Variants in CHCHD6 observed in about 807,000 individuals in gnomAD.
CHCHD6 encodes the protein coiled-coil-helix-coiled-coil-helix domain containing 6.
Under a neutral mutation model 32.3 loss-of-function variants are expected in CHCHD6, and 28 were observed. The observed-to-expected ratio is 0.87, with a 90% CI of 0.64 to 1.19. CHCHD6 has a LOEUF of 1.19. CHCHD6 is among the 50% of genes most tolerant of loss of function. The probability of loss-of-function intolerance (pLI) is 0.00; values close to 1 mark genes in which losing one functional copy is unlikely to be tolerated. For missense variants in CHCHD6, 333 were observed against 307.0 expected, an observed-to-expected ratio of 1.08 and a Z score of -0.63; for synonymous variants, 122 against 117.5, an observed-to-expected ratio of 1.04 and a Z score of -0.25.
chr3:126,786,199 T>C (rs1319270957), intron 4 of CHCHD6, among the ~76,000 whole-genome samples: 2 of 152,246 alleles, frequency 1.3e-5, no homozygotes, highest in Non-Finnish European at 2.9e-5. Flanking sequence ...GGTGTATATG[T>C]GCCACATTTT....
At chr3:126,824,325 GCTGAGGTGTGCGGATCAC>G (rs1421715791) in intron 4 of CHCHD6, among the ~76,000 whole-genome samples, 1 of 151,712 alleles carries the variant, frequency 6.6e-6, no homozygotes, top group Non-Finnish European at 1.5e-5. Flanking sequence ...ACTTTGGGAG[GCTGAGGTGTGCGGATCAC>G]CTGAAGTCGG....
In CHCHD6 at chr3:126,774,556, G is replaced by T. The variant is rs143659863; in HGVS notation, c.411+41334G>T. 4.0e-3 allele frequency among the ~76,000 whole-genome samples: 602 copies of T among 152,280 alleles called. 8 individuals carry two copies. Among genetic ancestry groups the T allele is most frequent in the African/African-American group, 0.014 (583 of 41,548 alleles). On this transcript the variant is annotated intron_variant, in intron 4 of 7. Transcript: ENST00000290913. ...TAGGCCTTTCTCTGATACCACCCTG[G>T]CTGGGATGGGGAAGGGCACCTGCTT... is the stretch of plus-strand genomic sequence containing the variant.
intron 4 of CHCHD6, among the ~76,000 whole-genome samples, chr3:126,754,848 T>G (rs1936885720): frequency 6.6e-6 from 1 of 152,170 alleles, no homozygotes; most frequent in South Asian, 2.1e-4. Context: ...GCTTTGGCCT[T>G]TGGGAGGCTG....
intron 4 of CHCHD6, among the ~76,000 whole-genome samples, chr3:126,852,124 A>T (rs938337177): frequency 6.6e-6 from 1 of 152,192 alleles, no homozygotes; most frequent in South Asian, 2.1e-4. Context: ...AGCTCAGAGC[A>T]TGAGGCTGTG....
chr3:126,788,757 CT>C (rs998693548), intron 4 of CHCHD6, among the ~76,000 whole-genome samples: 117 of 152,198 alleles, frequency 7.7e-4, no homozygotes, highest in African/African-American at 2.7e-3. Context: ...TTTTGTTGAT[CT>C]TTTCAAACAA....
At chr3:126,886,866 C>G (rs115619747) in intron 5 of CHCHD6, among the ~76,000 whole-genome samples, 4,636 of 152,270 alleles carry the variant, frequency 0.03, 99 homozygotes, top group Non-Finnish European at 0.039. Flanking sequence ...TCTGTGGACT[C>G]TAGCAACACA....
intron 4 of CHCHD6, among the ~76,000 whole-genome samples, chr3:126,843,311 T>A (rs9818071): frequency 0.12 from 18,702 of 152,188 alleles, 1,308 homozygotes; most frequent in South Asian, 0.28. Context: ...TTGCCAGTTT[T>A]TCTATTAAGG....
chr3:126,892,881 C>G (rs2077783918), intron 5 of CHCHD6, among the ~76,000 whole-genome samples: 1 of 152,224 alleles, frequency 6.6e-6, no homozygotes, highest in Non-Finnish European at 1.5e-5. Flanking sequence ...TTGCTTTTCT[C>G]AAATAGTTCT....
At chr3:126,831,106 C>T (rs1362960815) in intron 4 of CHCHD6, among the ~76,000 whole-genome samples, 3 of 152,028 alleles carry the variant, frequency 2.0e-5, no homozygotes, top group African/African-American at 7.2e-5. Context: ...TCACTGCAAG[C>T]TCCACCTCCC....
intron 4 of CHCHD6, among the ~76,000 whole-genome samples, chr3:126,774,537 T>C (rs1190863674): frequency 6.6e-6 from 1 of 152,186 alleles, no homozygotes; most frequent in Non-Finnish European, 1.5e-5. Flanking sequence ...CCACTAGGCC[T>C]TTCTCTGATA....
chr3:126,883,807 G>C (rs149087727), intron 5 of CHCHD6, among the ~76,000 whole-genome samples: 2 of 152,214 alleles, frequency 1.3e-5, no homozygotes, highest in Non-Finnish European at 2.9e-5. Context: ...ACTCTGGGCT[G>C]TATTTGTGGA....
chr3:126,905,907 A>C (rs1011574736), intron 5 of CHCHD6, among the ~76,000 whole-genome samples: 2 of 152,182 alleles, frequency 1.3e-5, no homozygotes, highest in Admixed American at 6.5e-5. Context: ...AATCAGGGGC[A>C]TCACGCGAGA....
intron 5 of CHCHD6, among the ~76,000 whole-genome samples, chr3:126,892,624 C>T (rs1353684863): frequency 6.6e-6 from 1 of 152,222 alleles, no homozygotes; most frequent in Non-Finnish European, 1.5e-5. Context: ...CTGAAGATGG[C>T]ATTTGTACTG....
At chr3:126,752,442 A>C (rs993797871) in intron 4 of CHCHD6, among the ~76,000 whole-genome samples, 2 of 152,186 alleles carry the variant, frequency 1.3e-5, no homozygotes, top group Admixed American at 6.5e-5. Flanking sequence ...CTGGAAGAAC[A>C]GGCGTGCTGG....
intron 5 of CHCHD6, among the ~76,000 whole-genome samples, chr3:126,903,151 G>A (rs919108385): frequency 2.6e-5 from 4 of 152,174 alleles, no homozygotes; most frequent in South Asian, 2.1e-4. Flanking sequence ...ACTAAGAAAC[G>A]CTGAGTGCAG....
intron 1 of CHCHD6, among the ~76,000 whole-genome samples, chr3:126,726,037 C>G (rs1242612987): frequency 6.6e-6 from 1 of 152,232 alleles, no homozygotes; most frequent in Non-Finnish European, 1.5e-5. Context: ...TAACTTCTTT[C>G]AACAACTTTT....
At chr3:126,822,616 G>A (rs1940197170) in intron 4 of CHCHD6, among the ~76,000 whole-genome samples, 1 of 152,194 alleles carries the variant, frequency 6.6e-6, no homozygotes, top group African/African-American at 2.4e-5. Flanking sequence ...AAAGGCAGCT[G>A]AGATTTTGAT....
chr3:126,829,112 A>G (rs1175317489), intron 4 of CHCHD6, among the ~76,000 whole-genome samples: 2 of 152,202 alleles, frequency 1.3e-5, no homozygotes, highest in Admixed American at 6.5e-5. Flanking sequence ...AGAGGTTTAA[A>G]GCTGCCAAAT....
At chr3:126,863,208 C>G (rs575145489) in intron 5 of CHCHD6, among the ~76,000 whole-genome samples, 8 of 143,768 alleles carry the variant, frequency 5.6e-5, no homozygotes, top group South Asian at 2.3e-4. Context: ...CCACCTTCCC[C>G]TCTACCACCA....
Sources: gnomAD v4.1 joint callset for allele counts (sites outside exome capture counted in the v4.1 genomes callset) on GRCh38, gnomAD v4.1.1 for gene constraint, MANE v1.5 for transcripts, NCBI Gene and HGNC (gene_info 2026-07-23, HGNC 2026-07-21) for gene names.